The following PSG4 variants were observed in gnomAD, a reference collection of about 807,000 sequenced individuals.
The protein encoded by PSG4 is pregnancy specific beta-1-glycoprotein 4.
A neutral mutation model predicts 44.3 loss-of-function variants in PSG4; 61 were observed. The ratio of observed to expected loss-of-function variants is 1.38; its 90% CI spans 1.12 to 1.70. The LOEUF (loss-of-function observed/expected upper bound fraction) is 1.70. Ranked by LOEUF, PSG4 falls within the 40% of genes most tolerant of loss-of-function variation. The probability of loss-of-function intolerance (pLI) is 0.00; values close to 1 mark genes in which losing one functional copy is unlikely to be tolerated. For synonymous variants in PSG4, 248 were observed against 191.3 expected, an observed-to-expected ratio of 1.30 and a Z score of -2.45; for missense variants, 677 against 511.7, an observed-to-expected ratio of 1.32 and a Z score of -3.12.
intron 1 of PSG4, chr19:43,204,832 TC>T (rs1967700136): frequency 1.2e-5 from 5 of 425,558 alleles, no homozygotes; most frequent in Middle Eastern, 3.4e-4. Flanking sequence ...TGTTTCTTTT[TC>T]CCCCCAATTG....
At chr19:43,202,565 CG>C (rs1357920954) in intron 2 of PSG4, among the ~76,000 whole-genome samples, 2 of 144,548 alleles carry the variant, frequency 1.4e-5, no homozygotes, top group Non-Finnish European at 3.0e-5. Context: ...GTGTGTCTCT[CG>C]CTGGGCCTGT....
rs200181383 is a variant in PSG4 at position 43,194,454 on chromosome 19, G to A, written c.1129C>T (p.Gln377Ter). 173 of 1,612,480 alleles carry A rather than the reference G, an allele frequency of 1.1e-4. 7 individuals carry two copies. The highest frequency in any genetic ancestry group is 4.7e-4 in the South Asian group (43 of 91,032). Reference sequence around the variant, plus strand: ...GTTATTTGGGGGATAGAGAGCTTTTGTCCTGATAGCTGAAACTTCCCATTA... The same window carrying A: ...GTTATTTGGGGGATAGAGAGCTTTTATCCTGATAGCTGAAACTTCCCATTA... ...TINGKFQLSG[Q>*]KLSIPQITTK... is the part of the protein sequence containing the mutation. The change falls in exon 5 of 6, where the codon CAA becomes TAA. Residue 377 changes from glutamine to a stop codon, truncating the protein, a stop_gained. Coordinates refer to ENST00000405312, the MANE Select transcript of PSG4 (RefSeq NM_002780.5). LOFTEE classifies it high-confidence loss of function.
intron 2 of PSG4, among the ~76,000 whole-genome samples, chr19:43,201,738 C>A (rs753446015): frequency 2.7e-5 from 4 of 145,578 alleles, no homozygotes; most frequent in Non-Finnish European, 6.0e-5. Flanking sequence ...GATTTGAGTA[C>A]TAATCAACCT....
intron 3 of PSG4, chr19:43,196,769 C>T (rs7247251): frequency 0.12 from 18,251 of 150,970 alleles, 1,781 homozygotes; most frequent in East Asian, 0.37. Flanking sequence ...GAACTTTCCA[C>T]GTTTTCATGG....
At chr19:43,201,092 G>A (rs1481026463) in intron 2 of PSG4, among the ~76,000 whole-genome samples, 1 of 145,540 alleles carries the variant, frequency 6.9e-6, no homozygotes, top group African/African-American at 2.6e-5. Context: ...TGACACCCTG[G>A]TGAGTCAGTG....
chr19:43,198,393 A>G (rs1967353896), intron 2 of PSG4, 118 bp from the exon 3 acceptor site: 7 of 1,447,016 alleles, frequency 4.8e-6, no homozygotes, highest in Non-Finnish European at 6.4e-6. Flanking sequence ...TTAAAAGCCC[A>G]TGGAAGATGT....
intron 3 of PSG4, among the ~76,000 whole-genome samples, chr19:43,195,720 A>G (rs952824969): frequency 6.6e-6 from 1 of 151,070 alleles, no homozygotes; most frequent in African/African-American, 2.4e-5. Flanking sequence ...ATGAGTAATA[A>G]TGGGACTTCC....
At chr19:43,197,456 G>T (rs1254433536) in intron 3 of PSG4, among the ~76,000 whole-genome samples, 1 of 144,784 alleles carries the variant, frequency 6.9e-6, no homozygotes, top group African/African-American at 2.7e-5. Flanking sequence ...AAGCACACTT[G>T]TGCTGATTGC....
chr19:43,198,728 C>A, intron 2 of PSG4: 1 of 177,250 alleles, frequency 5.6e-6, no homozygotes, highest in Non-Finnish European at 1.2e-5. Context: ...TGGAACTTCC[C>A]ATTGTCCTTA....
Position 43,204,269 on chromosome 19 carries a change from C to T in PSG4, c.65-18G>A. The T allele has an allele frequency of 6.4e-7, 1 of 1,553,176 alleles. No individual in the cohort carries two copies. The highest frequency in any genetic ancestry group is 1.2e-5 in the South Asian group (1 of 83,942). ...AAGTGATGCTAGGAGGTACAGAGAG[C>T]ATCAGTTAATATTGAGACCTATGTA... On this transcript the variant is annotated intron_variant, in intron 1 of 5. Transcript: ENST00000405312.
intron 2 of PSG4, among the ~76,000 whole-genome samples, chr19:43,200,032 G>A (rs1433924190): frequency 6.9e-6 from 1 of 145,362 alleles, no homozygotes; most frequent in Non-Finnish European, 1.5e-5. Context: ...AATATAGAAA[G>A]AACTCCCTGC....
At position 43,203,864 on chromosome 19, in the gene PSG4, G is replaced by A. The variant is rs759851401; in HGVS notation, c.430+22C>T. The A allele has an allele frequency of 6.4e-6, 10 of 1,572,198 alleles. 1 individual carries two copies. Among genetic ancestry groups the A allele is most frequent in the South Asian group, 1.2e-5 (1 of 86,884 alleles). On this transcript the variant is annotated intron_variant, in intron 2 of 5. Transcript: ENST00000405312. ...AGTGACCCCTGTCCCCCAACACCCA[G>A]GGATCATGTGGAATCACTCACGGTG...
chr19:43,201,819 T>TTG (rs57230870), intron 2 of PSG4, among the ~76,000 whole-genome samples: 3,655 of 139,408 alleles, frequency 0.026, 591 homozygotes, highest in African/African-American at 0.089. Flanking sequence ...TTCAATAATT[T>TTG]TGTGTGTGTG....
At chr19:43,197,374 G>C (rs1165433497) in intron 3 of PSG4, among the ~76,000 whole-genome samples, 1 of 145,570 alleles carries the variant, frequency 6.9e-6, no homozygotes, top group Non-Finnish European at 1.5e-5. Context: ...TATGAGATTT[G>C]TTCCATCAGT....
intron 1 of PSG4, chr19:43,204,701 A>ACC (rs1354472840): frequency 9.2e-5 from 17 of 184,012 alleles, no homozygotes; most frequent in Non-Finnish European, 1.5e-4. Flanking sequence ...TCTTCCCCCC[A>ACC]CGATGACTGT....
intron 3 of PSG4, chr19:43,196,337 G>A (rs969067855): frequency 2.0e-5 from 3 of 151,778 alleles, no homozygotes; most frequent in South Asian, 2.1e-4. Context: ...AGAATCAGAA[G>A]TTGTTCATGG....
intron 5 of PSG4, 35 bp downstream of exon 5, chr19:43,194,305 A>T: frequency 6.2e-7 from 1 of 1,611,838 alleles, no homozygotes; most frequent in East Asian, 2.2e-5. Context: ...ACTCCACCTA[A>T]ATCCCTATTG....
rs147584129 is a variant in PSG4, at chr19:43,195,052, C to T, written c.931G>A (p.Glu311Lys). Residue 311 changes from glutamate (E) to lysine (K), a missense_variant, in exon 4 of 6, where the codon GAA becomes AAA. By Grantham distance (56) the Glu-to-Lys change is moderately conservative. Coordinates refer to ENST00000405312, the MANE Select transcript of PSG4 (RefSeq NM_002780.5). ...ATGCCACCATATCGGTCCCGTATTTCACATTGATAAGGTCCTGTTTCATTT... is the reference window on the plus strand; with the variant it reads ...ATGCCACCATATCGGTCCCGTATTTTACATTGATAAGGTCCTGTTTCATTT... ...TRNETGPYQC[E>K]IRDRYGGIRS... 1.9e-6 allele frequency: 3 copies of T among 1,611,914 alleles called. No individual in the cohort carries two copies. The Admixed American group carries it at 5.0e-5, about 27-fold the overall frequency.
At chr19:43,196,896 G>C (rs1302262642) in intron 3 of PSG4, 1 of 145,700 alleles carries the variant, frequency 6.9e-6, no homozygotes, top group East Asian at 2.3e-4. Context: ...TCTGGTAGGG[G>C]TTGCATTGAA....
Sources: gnomAD v4.1 joint callset for allele counts (sites outside exome capture counted in the v4.1 genomes callset) on GRCh38, gnomAD v4.1.1 for gene constraint, MANE v1.5 for transcripts, NCBI Gene and HGNC (gene_info 2026-07-23, HGNC 2026-07-21) for gene names.